Variants in CADM2 observed in about 807,000 individuals in gnomAD.
CADM2 encodes the protein immunoglobulin superfamily member 4D.
A neutral mutation model predicts 49.8 loss-of-function variants in CADM2; 12 were observed. The observed-to-expected ratio is 0.24, with a 90% CI of 0.15 to 0.39. CADM2 has a LOEUF of 0.39. CADM2 is among the 10% of genes least tolerant of loss of function. The pLI is 1.00. For synonymous variants in CADM2, 214 were observed against 175.4 expected, an observed-to-expected ratio of 1.22 and a Z score of -1.74; for missense variants, 378 against 492.3, an observed-to-expected ratio of 0.77 and a Z score of 2.20.
chr3:85,863,937 A>G (rs148943833), intron 3 of CADM2, among the ~76,000 whole-genome samples: 2 of 152,196 alleles, frequency 1.3e-5, no homozygotes, highest in African/African-American at 2.4e-5. Flanking sequence ...GAGACGTGGG[A>G]GTTGGTGGTC....
intron 1 of CADM2, among the ~76,000 whole-genome samples, chr3:85,581,276 T>G (rs886961474): frequency 1.3e-5 from 2 of 152,090 alleles, no homozygotes; most frequent in African/African-American, 4.8e-5. Context: ...ACTAGGTCTA[T>G]GCATAAATAT....
intron 1 of CADM2, among the ~76,000 whole-genome samples, chr3:85,436,375 C>T (rs1311744352): frequency 6.6e-6 from 1 of 152,098 alleles, no homozygotes; most frequent in Non-Finnish European, 1.5e-5. Context: ...CAAACAGAGA[C>T]AACTTGACTT....
At chr3:84,966,042 C>G (rs968723287) in intron 1 of CADM2, among the ~76,000 whole-genome samples, 2 of 152,056 alleles carry the variant, frequency 1.3e-5, no homozygotes, top group African/African-American at 4.8e-5. Flanking sequence ...CCATTTGCCA[C>G]AGAACAAAAA....
intron 2 of CADM2, among the ~76,000 whole-genome samples, chr3:85,777,648 C>T (rs1379797752): frequency 1.3e-5 from 2 of 152,152 alleles, no homozygotes; most frequent in African/African-American, 2.4e-5. Context: ...TACTCTTTCT[C>T]ATTTCAATAC....
chr3:85,766,745 G>A (rs932082987), intron 2 of CADM2, among the ~76,000 whole-genome samples: 1 of 152,080 alleles, frequency 6.6e-6, no homozygotes, highest in Admixed American at 6.6e-5. Flanking sequence ...ATTTTATCAT[G>A]AGCTTTCATT....
intron 1 of CADM2, among the ~76,000 whole-genome samples, chr3:85,153,123 A>C (rs909599303): frequency 6.6e-6 from 1 of 152,332 alleles, no homozygotes; most frequent in East Asian, 1.9e-4. Context: ...TCCAGCTCCC[A>C]GCGTGAGCGA....
chr3:85,345,756 T>A (rs749098836), intron 1 of CADM2, among the ~76,000 whole-genome samples: 6 of 152,322 alleles, frequency 3.9e-5, no homozygotes, highest in Admixed American at 6.5e-5. Context: ...TTGGAAGAAC[T>A]TAAATTTGTC....
intron 1 of CADM2, among the ~76,000 whole-genome samples, chr3:85,305,363 T>A (rs1347834057): frequency 6.6e-6 from 1 of 151,660 alleles, no homozygotes; most frequent in Non-Finnish European, 1.5e-5. Context: ...ATACAAAAAA[T>A]TAACTTTGAT....
chr3:85,892,049 G>C (rs1714511880), intron 5 of CADM2, among the ~76,000 whole-genome samples: 2 of 152,208 alleles, frequency 1.3e-5, no homozygotes, highest in South Asian at 2.1e-4. Flanking sequence ...ATCTGGCAAA[G>C]ACTAGCCTTG....
chr3:85,282,946 C>T (rs1323500842), intron 1 of CADM2, among the ~76,000 whole-genome samples: 1 of 152,010 alleles, frequency 6.6e-6, no homozygotes, highest in Non-Finnish European at 1.5e-5. Flanking sequence ...AGTGATGGAT[C>T]TCCTAAATAC....
intron 5 of CADM2, among the ~76,000 whole-genome samples, chr3:85,886,687 A>G (rs1713703086): frequency 6.6e-6 from 1 of 152,200 alleles, no homozygotes; most frequent in African/African-American, 2.4e-5. Context: ...TTGGTTAAAG[A>G]CAGAGAAACT....
intron 1 of CADM2, among the ~76,000 whole-genome samples, chr3:85,324,081 G>A (rs1178595022): frequency 1.3e-5 from 2 of 152,084 alleles, no homozygotes; most frequent in East Asian, 1.9e-4. Flanking sequence ...AGCACCAGGA[G>A]GACAGAGTCC....
intron 1 of CADM2, among the ~76,000 whole-genome samples, chr3:85,712,152 T>A (rs576472293): frequency 2.0e-4 from 30 of 152,236 alleles, no homozygotes; most frequent in Non-Finnish European, 3.5e-4. Context: ...AGTTACAGAA[T>A]AATGTTACTA....
chr3:85,273,352 T>A (rs72919228), intron 1 of CADM2, among the ~76,000 whole-genome samples: 28,567 of 151,106 alleles, frequency 0.19, 4,863 homozygotes, highest in African/African-American at 0.46. Context: ...CATGACTTAG[T>A]TTTTGACAAT....
At chr3:85,551,372 C>T (rs1220504997) in intron 1 of CADM2, among the ~76,000 whole-genome samples, 1 of 152,098 alleles carries the variant, frequency 6.6e-6, no homozygotes, top group Non-Finnish European at 1.5e-5. Flanking sequence ...CTCTTAAAGC[C>T]TGTATTGCAG....
At position 85,883,291 on chromosome 3, in the gene CADM2, C is replaced by G; in HGVS notation, c.239C>G (p.Ala80Gly). 1 of 1,607,096 alleles carries G rather than the reference C, an allele frequency of 6.2e-7. No homozygotes were observed. Among genetic ancestry groups the G allele is most frequent in the Non-Finnish European group, 8.5e-7 (1 of 1,176,160 alleles). Residue 80 changes from alanine to glycine, a missense_variant and splice_region_variant, in exon 4 of 10, where the codon GCT becomes GGT. Ala to Gly is a moderately conservative substitution (Grantham distance 60). Transcript: ENST00000383699. ...QQTLYFDDKK[A>G]LRDNRIELVR... ...CATTTTCAATATTTTCTCTTTCCAG[C>G]TTTAAGGGACAATAGGATCGAGCTG...
At chr3:85,532,768 C>G (rs528102476) in intron 1 of CADM2, among the ~76,000 whole-genome samples, 3 of 152,242 alleles carry the variant, frequency 2.0e-5, no homozygotes, top group African/African-American at 7.2e-5. Flanking sequence ...AAATGCCCAT[C>G]AGTGATAGAC....
At chr3:85,485,672 C>T (rs2039388443) in intron 1 of CADM2, among the ~76,000 whole-genome samples, 1 of 151,934 alleles carries the variant, frequency 6.6e-6, no homozygotes, top group South Asian at 2.1e-4. Context: ...TTATATTTTA[C>T]TAACATGAAA....
intron 1 of CADM2, among the ~76,000 whole-genome samples, chr3:85,085,707 C>A (rs1216369632): frequency 6.6e-6 from 1 of 152,112 alleles, no homozygotes; most frequent in African/African-American, 2.4e-5. Context: ...TTCTTCATAT[C>A]CATGTGTGAT....
Sources: gnomAD v4.1 joint callset for allele counts (sites outside exome capture counted in the v4.1 genomes callset) on GRCh38, gnomAD v4.1.1 for gene constraint, MANE v1.5 for transcripts, NCBI Gene and HGNC (gene_info 2026-07-23, HGNC 2026-07-21) for gene names.